The following LUZP2 variants were observed in gnomAD, a reference collection of about 807,000 sequenced individuals.
The protein encoded by LUZP2 is leucine zipper protein 2.
In LUZP2, 52 loss-of-function variants were observed where a neutral mutation model predicts 51.6. The ratio of observed to expected loss-of-function variants is 1.01; its 90% CI spans 0.81 to 1.27. The LOEUF is 1.27. LUZP2 is among the 50% of genes most tolerant of loss of function. The pLI, the probability that LUZP2 is intolerant of heterozygous loss-of-function variation, is 0.00. For synonymous variants in LUZP2, 154 were observed against 137.3 expected, an observed-to-expected ratio of 1.12 and a Z score of -0.85; for missense variants, 436 against 395.4, an observed-to-expected ratio of 1.10 and a Z score of -0.87.
chr11:24,737,310 A>C (rs1906099), intron 3 of LUZP2, among the ~76,000 whole-genome samples: 111,233 of 151,850 alleles, frequency 0.73, 41,983 homozygotes, highest in Middle Eastern at 0.85. Context: ...AAATATCCAG[A>C]GCTAATCTTT....
intron 5 of LUZP2, among the ~76,000 whole-genome samples, chr11:24,856,733 T>A (rs1034274450): frequency 1.3e-5 from 2 of 152,094 alleles, no homozygotes; most frequent in Non-Finnish European, 2.9e-5. Context: ...CACAATGGAA[T>A]ACATAACTTA....
intron 7 of LUZP2, among the ~76,000 whole-genome samples, chr11:24,939,007 CTT>C (rs1335454552): frequency 1.3e-5 from 2 of 151,972 alleles, no homozygotes; most frequent in Non-Finnish European, 2.9e-5. Flanking sequence ...TCTAGCCACA[CTT>C]TAAATTGGAA....
chr11:24,596,005 G>A (rs939561255), intron 1 of LUZP2, among the ~76,000 whole-genome samples: 13 of 152,096 alleles, frequency 8.5e-5, no homozygotes, highest in African/African-American at 2.4e-4. Flanking sequence ...GAAGTGTTAC[G>A]CATACCTCCT....
chr11:24,746,516 A>T (rs2133999942), intron 4 of LUZP2, among the ~76,000 whole-genome samples: 1 of 152,254 alleles, frequency 6.6e-6, no homozygotes, highest in South Asian at 2.1e-4. Flanking sequence ...AGATAACCTG[A>T]TGACAATGTG....
intron 1 of LUZP2, among the ~76,000 whole-genome samples, chr11:24,713,128 G>A (rs1157136400): frequency 3.3e-5 from 5 of 152,086 alleles, no homozygotes; most frequent in African/African-American, 7.2e-5. Flanking sequence ...CAAATATCCC[G>A]GTGGTCACAT....
At chr11:24,730,333 G>C (rs17234959) in intron 2 of LUZP2, among the ~76,000 whole-genome samples, 10,892 of 151,756 alleles carry the variant, frequency 0.072, 521 homozygotes, top group Non-Finnish European at 0.11. Flanking sequence ...AAGGGACAGA[G>C]CTGGTATTTA....
intron 5 of LUZP2, among the ~76,000 whole-genome samples, chr11:24,822,792 T>A (rs886598499): frequency 6.6e-6 from 1 of 152,192 alleles, no homozygotes; most frequent in African/African-American, 2.4e-5. Flanking sequence ...ATTCCTATAT[T>A]TAGGTGAATG....
intron 9 of LUZP2, among the ~76,000 whole-genome samples, chr11:25,028,819 T>G (rs1369593945): frequency 6.6e-6 from 1 of 152,166 alleles, no homozygotes; most frequent in Non-Finnish European, 1.5e-5. Context: ...CCTAAAATTT[T>G]TCTTGACTAT....
intron 5 of LUZP2, among the ~76,000 whole-genome samples, chr11:24,855,531 C>A (rs1851535277): frequency 6.6e-6 from 1 of 152,098 alleles, no homozygotes; most frequent in East Asian, 1.9e-4. Flanking sequence ...GTTAAAATGG[C>A]AATAGTGTAC....
intron 1 of LUZP2, among the ~76,000 whole-genome samples, chr11:24,521,379 G>A (rs1398276772): frequency 6.6e-6 from 1 of 151,000 alleles, no homozygotes; most frequent in Non-Finnish European, 1.5e-5. Flanking sequence ...GGTGGGGGTG[G>A]GGTGGGGTAA....
chr11:24,723,219 G>A (rs1858343092), intron 1 of LUZP2, among the ~76,000 whole-genome samples: 1 of 152,210 alleles, frequency 6.6e-6, no homozygotes, highest in Non-Finnish European at 1.5e-5. Flanking sequence ...TTAAAAACAA[G>A]TACTAATGAT....
chr11:24,574,491 A>G (rs1454605183), intron 1 of LUZP2, among the ~76,000 whole-genome samples: 1 of 151,730 alleles, frequency 6.6e-6, no homozygotes, highest in African/African-American at 2.4e-5. Context: ...ACACTTTGCT[A>G]TCCAGGAAAA....
In LUZP2 at chr11:25,080,848, A is replaced by G. The variant is rs1201561044; in HGVS notation, c.*2190A>G. 6.6e-6 allele frequency: 1 copy of G among 152,144 alleles called. No individual in the cohort carries two copies. The highest frequency in any genetic ancestry group is 2.4e-5 in the African/African-American group (1 of 41,438). The allele number at this position is 152,144 out of a possible 1,614,324, so 9.4% of individuals were successfully genotyped here. On this transcript the variant is annotated 3_prime_UTR_variant, in exon 12 of 12. Coordinates refer to ENST00000336930, the MANE Select transcript of LUZP2 (RefSeq NM_001009909.4). ...TGAAGCATCTTTGGAATGAAAAAAA[A>G]GAAGAATCAGGCTGTTATTTCCTGA...
chr11:24,713,650 G>A (rs1235940231), intron 1 of LUZP2, among the ~76,000 whole-genome samples: 2 of 145,916 alleles, frequency 1.4e-5, no homozygotes, highest in Non-Finnish European at 1.5e-5. Context: ...GCTACACCAC[G>A]ACACTCTATC....
intron 4 of LUZP2, among the ~76,000 whole-genome samples, chr11:24,739,312 T>TTATA (rs1324972252): frequency 6.6e-6 from 1 of 152,044 alleles, no homozygotes; most frequent in Non-Finnish European, 1.5e-5. Flanking sequence ...CTGTCCTGAC[T>TTATA]TATAACCTGT....
chr11:24,590,466 A>C (rs1853220823), intron 1 of LUZP2, among the ~76,000 whole-genome samples: 1 of 152,128 alleles, frequency 6.6e-6, no homozygotes, highest in African/African-American at 2.4e-5. Flanking sequence ...CATATCCTCA[A>C]TTAGAAATGG....
intron 5 of LUZP2, among the ~76,000 whole-genome samples, chr11:24,809,484 T>G (rs1430516347): frequency 6.6e-6 from 1 of 152,128 alleles, no homozygotes; most frequent in African/African-American, 2.4e-5. Flanking sequence ...TCTTTCATCA[T>G]ACCTCCTATA....
At chr11:24,517,563 T>C (rs1227269166) in intron 1 of LUZP2, among the ~76,000 whole-genome samples, 1 of 149,412 alleles carries the variant, frequency 6.7e-6, no homozygotes, top group Non-Finnish European at 1.5e-5. Flanking sequence ...TTAAAAAATG[T>C]TCTATTTATT....
chr11:24,704,796 AC>A (rs924354885), intron 1 of LUZP2, among the ~76,000 whole-genome samples: 5 of 152,294 alleles, frequency 3.3e-5, no homozygotes, highest in Non-Finnish European at 4.4e-5. Flanking sequence ...CTTTCTGAAA[AC>A]AAAAAGTTAA....
Sources: gnomAD v4.1 joint callset for allele counts (sites outside exome capture counted in the v4.1 genomes callset) on GRCh38, gnomAD v4.1.1 for gene constraint, MANE v1.5 for transcripts, NCBI Gene and HGNC (gene_info 2026-07-23, HGNC 2026-07-21) for gene names.